APBB2: variants seen among roughly 807,000 people sequenced by gnomAD.
APBB2 encodes Fe65-like 1.
A neutral mutation model predicts 82.5 loss-of-function variants in APBB2; 38 were observed. The ratio of observed to expected loss-of-function variants is 0.46; its 90% confidence interval spans 0.36 to 0.60. APBB2 has a LOEUF of 0.60. APBB2 is among the 20% of genes least tolerant of loss of function. The pLI is 0.00. For missense variants in APBB2, 772 were observed against 972.3 expected (o/e 0.79, Z 2.74); for synonymous variants, 341 against 368.2 (o/e 0.93, Z 0.85).
rs554220007 is a variant in APBB2, at chr4:40,859,467, A to C, written c.1530-28890T>G. ...TAATCTGCCCACCTCAGCCTCCCAAAGTGCTGGGATTAGAGGCATGAGCCA... is the reference window on the plus strand; with the variant it reads ...TAATCTGCCCACCTCAGCCTCCCAACGTGCTGGGATTAGAGGCATGAGCCA... On this transcript the variant is annotated intron_variant, in intron 12 of 17. Coordinates refer to ENST00000508593, the MANE Select transcript of APBB2 (RefSeq NM_004307.2). 9.1e-4 allele frequency among the ~76,000 whole-genome samples: 138 copies of C among 152,050 alleles called. 1 individual carries two copies. The highest frequency in any genetic ancestry group is 1.7e-3 in the South Asian group (8 of 4,804).
intron 1 of APBB2, among the ~76,000 whole-genome samples, chr4:41,156,449 C>T (rs1430772590): frequency 1.3e-5 from 2 of 152,182 alleles, no homozygotes; most frequent in African/African-American, 2.4e-5. Context: ...CTCCGAGTAT[C>T]GATAGCCAGT....
At chr4:41,191,583 C>T (rs1228447434) in intron 1 of APBB2, among the ~76,000 whole-genome samples, 1 of 152,126 alleles carries the variant, frequency 6.6e-6, no homozygotes, top group African/African-American at 2.4e-5. Flanking sequence ...AAGGACAAAA[C>T]TGGACCCTTA....
intron 2 of APBB2, among the ~76,000 whole-genome samples, chr4:41,123,685 T>C (rs1753539312): frequency 6.6e-6 from 1 of 152,068 alleles, no homozygotes; most frequent in South Asian, 2.1e-4. Context: ...TAGCTGGGTA[T>C]GGTGGCATGC....
chr4:41,043,100 A>G (rs867006558), intron 4 of APBB2, among the ~76,000 whole-genome samples: 2 of 152,192 alleles, frequency 1.3e-5, no homozygotes, highest in African/African-American at 4.8e-5. Context: ...CTGCATCTTT[A>G]GTCTCTACTG....
chr4:40,857,280 A>C, intron 12 of APBB2: 2 of 628,944 alleles, frequency 3.2e-6, no homozygotes, highest in Non-Finnish European at 4.0e-6. Flanking sequence ...TGCTCCCGCT[A>C]GGTGCTCCCG....
At chr4:40,942,750 C>G (rs919365743) in intron 7 of APBB2, among the ~76,000 whole-genome samples, 7 of 151,936 alleles carry the variant, frequency 4.6e-5, no homozygotes, top group African/African-American at 1.5e-4. Context: ...GATGCAGGCA[C>G]AGAGAGGGGA....
intron 3 of APBB2, among the ~76,000 whole-genome samples, chr4:41,081,407 G>C (rs954419951): frequency 1.5e-4 from 23 of 152,178 alleles, no homozygotes; most frequent in Non-Finnish European, 2.4e-4. Context: ...AAAATCCCAA[G>C]AAATCATTCT....
In APBB2 at chr4:40,832,493, T is replaced by C. The variant is rs983994540; in HGVS notation, c.1530-1916A>G. On this transcript the variant is annotated intron_variant, in intron 12 of 17. Coordinates refer to ENST00000508593, the MANE Select transcript of APBB2 (RefSeq NM_004307.2). The surrounding 1 kb of genome is among the most constrained non-coding windows in gnomAD (Gnocchi z 4.8). The stretch of plus-strand genomic sequence containing the variant: ...TCACGTTCTAGCTCAGTGTCCTCCA[T>C]GCTAGAACCGGACTCCCCCTGCCTC... Among the ~76,000 whole-genome samples, 7 of 152,162 alleles carry C rather than the reference T, an allele frequency of 4.6e-5. No homozygotes were observed. The highest frequency in any genetic ancestry group is 7.3e-5 in the Non-Finnish European group (5 of 68,028).
intron 12 of APBB2, among the ~76,000 whole-genome samples, chr4:40,840,848 G>T (rs1430162007): frequency 1.3e-5 from 2 of 152,096 alleles, no homozygotes; most frequent in African/African-American, 4.8e-5. Flanking sequence ...GCCTCCCAGC[G>T]AGGACACTCA....
chr4:41,151,040 T>C (rs777155105), intron 1 of APBB2, among the ~76,000 whole-genome samples: 2 of 152,128 alleles, frequency 1.3e-5, no homozygotes, highest in Non-Finnish European at 2.9e-5. Flanking sequence ...GCACCACAAC[T>C]CTTGGACTTC....
chr4:41,014,496 G>T, intron 5 of APBB2, 98 bp from the exon 6 acceptor site: 1 of 1,104,772 alleles, frequency 9.1e-7, no homozygotes, highest in Non-Finnish European at 1.3e-6. Flanking sequence ...AAGAAGAAAT[G>T]CTTCCACTGC....
At chr4:41,049,535 G>A (rs1475942951) in intron 4 of APBB2, among the ~76,000 whole-genome samples, 51 of 141,864 alleles carry the variant, frequency 3.6e-4, no homozygotes, top group Admixed American at 3.3e-3. Context: ...CCGGCCAGCC[G>A]CCCCGTCCGG....
intron 10 of APBB2, among the ~76,000 whole-genome samples, chr4:40,905,848 C>G (rs1042082242): frequency 2.0e-5 from 3 of 152,168 alleles, no homozygotes; most frequent in Admixed American, 2.0e-4. Flanking sequence ...ACTGAGAGAT[C>G]TCTTTGGTAA....
rs181099550 is a variant in APBB2 at position 41,212,531 on chromosome 4, T to C, written c.-417+1874A>G. ...TCACATTGGCTCCTTGAAGGTGAAT[T>C]TATTCAGTTAAAAGTATCCATTAGA... is the stretch of plus-strand genomic sequence containing the variant. On this transcript the variant is annotated intron_variant, in intron 1 of 17. Transcript: ENST00000508593. 5.0e-3 allele frequency among the ~76,000 whole-genome samples: 767 copies of C among 152,284 alleles called. 2 individuals are homozygous for C. The highest frequency in any genetic ancestry group is 0.017 in the Middle Eastern group (5 of 294).
intron 4 of APBB2, among the ~76,000 whole-genome samples, chr4:41,046,873 C>T (rs972751021): frequency 1.3e-5 from 2 of 152,204 alleles, no homozygotes; most frequent in African/African-American, 2.4e-5. Context: ...TCTGAAAGAG[C>T]ACTGGAGTGG....
intron 6 of APBB2, among the ~76,000 whole-genome samples, chr4:40,952,718 C>T (rs1037462401): frequency 6.6e-6 from 1 of 152,162 alleles, no homozygotes; most frequent in South Asian, 2.1e-4. Context: ...CACATCAATC[C>T]CAGCTAGAAG....
chr4:40,875,095 G>A (rs1766542990), intron 12 of APBB2, among the ~76,000 whole-genome samples: 1 of 152,222 alleles, frequency 6.6e-6, no homozygotes, highest in South Asian at 2.1e-4. Context: ...GATGGGGGCA[G>A]GCAGGGGTGA....
At chr4:40,934,371 G>A (rs1453938183) in intron 10 of APBB2, 85 bp downstream of exon 10, 1 of 1,346,056 alleles carries the variant, frequency 7.4e-7, no homozygotes, top group African/African-American at 1.4e-5. Context: ...CTGGGTTGAT[G>A]GTTTGTAAAA....
At chr4:40,870,522 T>C (rs1049618612) in intron 12 of APBB2, among the ~76,000 whole-genome samples, 3 of 152,102 alleles carry the variant, frequency 2.0e-5, no homozygotes, top group African/African-American at 7.2e-5. Context: ...GCCCTTTCAT[T>C]TAAGAAGTCA....
Sources: allele counts gnomAD v4.1 joint callset (sites outside exome capture counted in the v4.1 genomes callset), GRCh38; gene constraint gnomAD v4.1.1; non-coding constraint Gnocchi (gnomAD v3.1); transcripts MANE v1.5; gene names NCBI Gene and HGNC (gene_info 2026-07-23, HGNC 2026-07-21).